The following CTNNA2 variants were observed in gnomAD, a reference collection of about 807,000 sequenced individuals.
CTNNA2 encodes the protein catenin alpha-2.
A neutral mutation model predicts 101.0 loss-of-function variants in CTNNA2; 42 were observed. The observed-to-expected ratio is 0.42, with a 90% CI of 0.32 to 0.54. The LOEUF is 0.54. Among genes scored for constraint, CTNNA2 ranks in the 20% least tolerant of loss-of-function variants. The pLI is 0.14. For missense variants in CTNNA2, 871 were observed against 1,223.1 expected (o/e 0.71, Z 4.29); for synonymous variants, 450 against 456.4 (o/e 0.99, Z 0.18).
intron 7 of CTNNA2, among the ~76,000 whole-genome samples, chr2:79,960,599 GTTGAT>G (rs1447734725): frequency 1.3e-5 from 2 of 152,180 alleles, no homozygotes; most frequent in African/African-American, 2.4e-5. Context: ...CCGTTAAAAG[GTTGAT>G]TTATTAGTTT....
At position 80,155,408 on chromosome 2, in the gene CTNNA2, G is replaced by A. The variant is rs115571929; in HGVS notation, c.1057-237803G>A. On this transcript the variant is annotated intron_variant, in intron 7 of 18. Coordinates refer to ENST00000402739, the MANE Select transcript of CTNNA2 (RefSeq NM_001282597.3). ...AACTTCAATTAAGGCTGGGAAATAC[G>A]GGAAAACAAATGGAGTAATTAATGA... Among the ~76,000 whole-genome samples the A allele has an allele frequency of 3.2e-3, 484 of 152,288 alleles. 3 individuals carry two copies. The highest frequency in any genetic ancestry group is 0.011 in the African/African-American group (459 of 41,566).
intron 7 of CTNNA2, among the ~76,000 whole-genome samples, chr2:80,251,558 T>C (rs1053280148): frequency 4.6e-5 from 7 of 152,162 alleles, no homozygotes; most frequent in African/African-American, 1.7e-4. Flanking sequence ...CCCATTACAT[T>C]ATAAAGAAAG....
chr2:79,214,647 C>A (rs1674222804), intron 2 of CTNNA2, among the ~76,000 whole-genome samples: 1 of 151,796 alleles, frequency 6.6e-6, no homozygotes, highest in Non-Finnish European at 1.5e-5. Context: ...GTAGAGATGT[C>A]CTATGCTTGT....
intron 7 of CTNNA2, among the ~76,000 whole-genome samples, chr2:79,991,320 A>G (rs1406230589): frequency 6.6e-6 from 1 of 152,184 alleles, no homozygotes; most frequent in African/African-American, 2.4e-5. Flanking sequence ...GAATTGAAGT[A>G]TTCAGATAAA....
At chr2:79,995,824 T>C (rs950051805) in intron 7 of CTNNA2, among the ~76,000 whole-genome samples, 3 of 152,096 alleles carry the variant, frequency 2.0e-5, no homozygotes, top group African/African-American at 7.2e-5. Flanking sequence ...CTCAAAAATA[T>C]GCATTGTCCT....
chr2:80,442,280 A>G (rs1682661433), intron 9 of CTNNA2, among the ~76,000 whole-genome samples: 1 of 152,134 alleles, frequency 6.6e-6, no homozygotes, highest in South Asian at 2.1e-4. Context: ...CAGTTAATTG[A>G]TGTGTTCTGC....
At chr2:80,083,181 T>C (rs765677476) in intron 7 of CTNNA2, among the ~76,000 whole-genome samples, 1 of 152,128 alleles carries the variant, frequency 6.6e-6, no homozygotes, top group Non-Finnish European at 1.5e-5. Context: ...TGTGAAGTCA[T>C]TGGCAGAATG....
chr2:79,649,623 T>C (rs1681075264), intron 1 of CTNNA2, among the ~76,000 whole-genome samples: 1 of 152,194 alleles, frequency 6.6e-6, no homozygotes, highest in South Asian at 2.1e-4. Context: ...AGCTGCTCTA[T>C]GGCAGTTGGT....
chr2:80,045,136 G>T (rs899016234), intron 7 of CTNNA2, among the ~76,000 whole-genome samples: 2 of 152,278 alleles, frequency 1.3e-5, no homozygotes, highest in Middle Eastern at 3.4e-3. Context: ...AATGTCCCAA[G>T]GGGGCCAGGC....
chr2:79,286,209 A>G (rs1486287016), intron 2 of CTNNA2, among the ~76,000 whole-genome samples: 2 of 152,054 alleles, frequency 1.3e-5, no homozygotes, highest in Admixed American at 6.5e-5. Flanking sequence ...TCTTTATCCA[A>G]TTTGCCAGTC....
At chr2:80,343,320 T>C (rs1404417262) in intron 7 of CTNNA2, among the ~76,000 whole-genome samples, 3 of 151,834 alleles carry the variant, frequency 2.0e-5, no homozygotes, top group African/African-American at 7.3e-5. Flanking sequence ...CAAGAATAGA[T>C]GTTCTCTTAA....
In CTNNA2 at chr2:79,310,660, G is replaced by A. The variant is rs189815069; in HGVS notation, c.-405-2049G>A. 9.7e-4 allele frequency among the ~76,000 whole-genome samples: 147 copies of A among 152,194 alleles called. 1 individual carries two copies. Among genetic ancestry groups the A allele is most frequent in the African/African-American group, 3.2e-3 (135 of 41,540 alleles). ...AAAACTAAAAGGATTTTTTTCTCTC[G>A]TTAAAGATATAAATCAATGCAGAAT... On this transcript the variant is annotated intron_variant, in intron 2 of 21. Coordinates refer to the CTNNA2 transcript ENST00000466387.
At chr2:80,045,623 C>A (rs905546800) in intron 7 of CTNNA2, among the ~76,000 whole-genome samples, 14 of 152,134 alleles carry the variant, frequency 9.2e-5, no homozygotes, top group Admixed American at 7.9e-4. Flanking sequence ...ATCATAAATT[C>A]TTGAGTCTCC....
chr2:79,833,314 G>C (rs1413779222), intron 3 of CTNNA2, among the ~76,000 whole-genome samples: 2 of 152,096 alleles, frequency 1.3e-5, no homozygotes, highest in South Asian at 2.1e-4. Context: ...TTGCACTTCT[G>C]TCTGCTTGTC....
intron 1 of CTNNA2, among the ~76,000 whole-genome samples, chr2:79,553,607 G>A (rs1674255417): frequency 6.6e-6 from 1 of 152,150 alleles, no homozygotes. Flanking sequence ...CAAAGGGGAA[G>A]CAGGCACATC....
chr2:80,058,574 T>C (rs910897260), intron 7 of CTNNA2, among the ~76,000 whole-genome samples: 6 of 152,226 alleles, frequency 3.9e-5, no homozygotes, highest in Admixed American at 6.5e-5. Context: ...GTGTTACTTA[T>C]AGGCGTAAAA....
At chr2:80,295,072 CCTT>C (rs941331474) in intron 7 of CTNNA2, among the ~76,000 whole-genome samples, 14 of 151,962 alleles carry the variant, frequency 9.2e-5, no homozygotes, top group Admixed American at 7.9e-4. Context: ...CCTCTCATCT[CCTT>C]CTCCCACCTT....
chr2:80,528,347 C>G (rs12104600), intron 9 of CTNNA2, among the ~76,000 whole-genome samples: 3,144 of 152,232 alleles, frequency 0.021, 121 homozygotes, highest in African/African-American at 0.071. Context: ...CAGGCACTCA[C>G]CACCATGCCT....
At chr2:80,344,168 A>G (rs995128524) in intron 7 of CTNNA2, among the ~76,000 whole-genome samples, 4 of 151,862 alleles carry the variant, frequency 2.6e-5, no homozygotes, top group African/African-American at 9.7e-5. Flanking sequence ...TACTTCTTTC[A>G]ATTGGCTTCC....
Sources: gnomAD v4.1 joint callset for allele counts (sites outside exome capture counted in the v4.1 genomes callset) on GRCh38, gnomAD v4.1.1 for gene constraint, MANE v1.5 for transcripts, NCBI Gene and HGNC (gene_info 2026-07-23, HGNC 2026-07-21) for gene names.